The following ANO9 variants were observed in gnomAD, a reference collection of about 807,000 sequenced individuals.
ANO9 encodes anoctamin-9.
Under a neutral mutation model 100.5 loss-of-function variants are expected in ANO9, and 80 were observed. The observed-to-expected ratio is 0.80, with a 90% CI of 0.66 to 0.96. The LOEUF (loss-of-function observed/expected upper bound fraction) is 0.96. Ranked by LOEUF, ANO9 falls within the 40% of genes least tolerant of loss-of-function variation. The probability of loss-of-function intolerance (pLI) is 0.00; values close to 1 mark genes in which losing one functional copy is unlikely to be tolerated. For missense variants in ANO9, 1,064 were observed against 1,072.7 expected (o/e 0.99, Z 0.11); for synonymous variants, 473 against 435.6 (o/e 1.09, Z -1.07).
chr11:432,901 G>A lies in ANO9; in HGVS notation c.350+413C>T. On this transcript the variant is annotated intron_variant, in intron 4 of 22. Transcript: ENST00000332826. The surrounding 1 kb of genome is among the most constrained non-coding windows in gnomAD (Gnocchi z 4.8). ...GGAGCGAGGAGGGTGTCCCTGCTGG[G>A]CCTCTGGGTCTTTGCCTTGGAGGCC... The A allele has an allele frequency of 5.6e-6, 1 of 177,838 alleles. No individual in the cohort carries two copies. The highest frequency in any genetic ancestry group is 1.2e-5 in the Non-Finnish European group (1 of 85,750). The allele number at this position is 177,838 out of a possible 1,614,324, so 11.0% of individuals were successfully genotyped here.
chr11:433,803 G>A lies in ANO9; in HGVS notation c.204+12C>T, dbSNP rs368739455. 4 of 1,554,140 alleles carry A rather than the reference G, an allele frequency of 2.6e-6. No individual in the cohort carries two copies. The highest frequency in any genetic ancestry group is 2.8e-5 in the African/African-American group (2 of 72,600). On this transcript the variant is annotated intron_variant, in intron 3 of 22. Transcript: ENST00000332826. ...GCCCCATGGCCCTGCCCCTCGCTGG[G>A]CACCCGCCCACCTTAATGTGGAAGC...
chr11:429,486 A>C (rs1183546246), intron 11 of ANO9, 84 bp downstream of exon 11: 1 of 1,561,938 alleles, frequency 6.4e-7, no homozygotes, highest in Non-Finnish European at 8.6e-7. Context: ...CAGACACGGC[A>C]GGCATATGTG....
chr11:429,288 A>G (rs1359379247), intron 11 of ANO9, among the ~76,000 whole-genome samples: 35 of 132,540 alleles, frequency 2.6e-4, no homozygotes, highest in African/African-American at 8.4e-4. Flanking sequence ...CACCCCACAC[A>G]TGGGGAGACA....
At chr11:429,346 G>A (rs113829403) in intron 11 of ANO9, 41 of 1,040,122 alleles carry the variant, frequency 3.9e-5, no homozygotes, top group Non-Finnish European at 4.8e-5. Context: ...ACAGCGACAC[G>A]CCTCACGGGT....
intron 4 of ANO9, chr11:433,020 A>C (rs1849143357): frequency 2.5e-6 from 1 of 407,286 alleles, no homozygotes; most frequent in Non-Finnish European, 4.3e-6. Flanking sequence ...GGGCCTCTGC[A>C]AATCCTGCCC....
At position 420,933 on chromosome 11, in the gene ANO9, G is replaced by T. The variant is rs1335646919; in HGVS notation, c.1490+12C>A. On this transcript the variant is annotated intron_variant, in intron 17 of 22. Coordinates refer to ENST00000332826, the MANE Select transcript of ANO9 (RefSeq NM_001012302.3). ...CTGGGGCTCCCGGGGCTGGGCGGGG[G>T]TCGGCACTCACGGGACCAGGTACTC... 1 of 1,601,852 alleles carries T rather than the reference G, an allele frequency of 6.2e-7. No individual in the cohort carries two copies. The highest frequency in any genetic ancestry group is 8.5e-7 in the Non-Finnish European group (1 of 1,173,374).
rs370369795 is a variant in ANO9, at chr11:431,836, C to G, written c.465+12G>C. 1 of 1,611,092 alleles carries G rather than the reference C, an allele frequency of 6.2e-7. No homozygotes were observed. Among genetic ancestry groups the G allele is most frequent in the South Asian group, 1.1e-5 (1 of 91,016 alleles). On this transcript the variant is annotated intron_variant, in intron 6 of 22. Transcript: ENST00000332826. ...CACCCCAGGGCCCTCTCCAGGCCAG[C>G]CCACCCCTCACCTTGTGCAGGGGGA... is the stretch of plus-strand genomic sequence containing the variant.
At chr11:423,582 A>C (rs141476154) in intron 15 of ANO9, among the ~76,000 whole-genome samples, 20 of 152,184 alleles carry the variant, frequency 1.3e-4, no homozygotes, top group Admixed American at 4.6e-4. Flanking sequence ...ATTATGGCTC[A>C]CTATAGCCTC....
At position 432,255 on chromosome 11, in the gene ANO9, G is replaced by A; in HGVS notation, c.351-201C>T. Reference sequence around the variant, plus strand: ...CCTCCTTAAAGTGCTCCCAGGGCCTGGCCTGCCCCACGGCGTCCAGGATGA... The same window carrying A: ...CCTCCTTAAAGTGCTCCCAGGGCCTAGCCTGCCCCACGGCGTCCAGGATGA... On this transcript the variant is annotated intron_variant, in intron 4 of 22. Transcript: ENST00000332826. The surrounding 1 kb of genome is among the most constrained non-coding windows in gnomAD (Gnocchi z 4.8). 1 of 593,936 alleles carries A rather than the reference G, an allele frequency of 1.7e-6. No individual in the cohort carries two copies. Among genetic ancestry groups the A allele is most frequent in the Non-Finnish European group, 3.0e-6 (1 of 337,510 alleles). 36.8% of individuals were successfully genotyped at this position (593,936 alleles called of 1,614,324 possible).
intron 1 of ANO9, among the ~76,000 whole-genome samples, chr11:434,762 A>T (rs1490949899): frequency 6.6e-6 from 1 of 152,208 alleles, no homozygotes; most frequent in Non-Finnish European, 1.5e-5. Context: ...TGACGGGCGC[A>T]GGCACATCCC....
intron 1 of ANO9, among the ~76,000 whole-genome samples, chr11:435,093 A>T (rs1324773097): frequency 6.6e-6 from 1 of 152,162 alleles, no homozygotes; most frequent in Non-Finnish European, 1.5e-5. Flanking sequence ...ATTGTAGTGT[A>T]GTGTAGTGTA....
chr11:434,145 G>T, intron 1 of ANO9, 47 bp from the exon 2 acceptor site: 1 of 1,540,518 alleles, frequency 6.5e-7, no homozygotes, highest in Non-Finnish European at 8.8e-7. Flanking sequence ...GTGATTGGGG[G>T]CTAGATGCCC....
chr11:434,583 G>C (rs1414573869), intron 1 of ANO9, among the ~76,000 whole-genome samples: 2 of 152,158 alleles, frequency 1.3e-5, no homozygotes, highest in African/African-American at 4.8e-5. Flanking sequence ...GGCCTAGCCC[G>C]TCCACCCCTG....
At chr11:420,695 C>G (rs1279491864) in intron 18 of ANO9, 23 bp downstream of exon 18, 1 of 1,603,884 alleles carries the variant, frequency 6.2e-7, no homozygotes, top group Admixed American at 1.7e-5. Flanking sequence ...TCCGCGAACC[C>G]CCGCCCCGCA....
At chr11:437,993 C>T (rs908167903) in intron 1 of ANO9, among the ~76,000 whole-genome samples, 7 of 152,112 alleles carry the variant, frequency 4.6e-5, no homozygotes, top group Non-Finnish European at 8.8e-5. Context: ...GCAGGACTTT[C>T]GGAGAAGCCT....
Position 428,461 on chromosome 11 carries a change from GC to G in ANO9, c.1185+13del. The G allele has an allele frequency of 6.2e-7, 1 of 1,612,374 alleles. No homozygotes were observed. Among genetic ancestry groups the G allele is most frequent in the Non-Finnish European group, 8.5e-7 (1 of 1,179,728 alleles). On this transcript the variant is annotated intron_variant, in intron 13 of 22. Transcript: ENST00000332826. ...GGACCCCCCAGCTCGGGCCTGCCCT[GC>G]TCCCGGCCCCACCTTGGTCATGATG...
chr11:420,704 C>G lies in ANO9; in HGVS notation c.1633+14G>C, dbSNP rs758987359. The stretch of plus-strand genomic sequence containing the variant: ...TTCGTCTCCGCGAACCCCCGCCCCG[C>G]AGCGCCCACGCACTCATCTCCATGA... On this transcript the variant is annotated intron_variant, in intron 18 of 22. Transcript: ENST00000332826. 3.1e-6 allele frequency: 5 copies of G among 1,605,078 alleles called. No homozygotes were observed. In the Admixed American group the frequency reaches 8.4e-5, roughly 27 times the overall value.
rs761015681 is a variant in ANO9 at position 430,345 on chromosome 11, T to A, written c.598A>T (p.Met200Leu). 2 of 1,609,220 alleles carry A rather than the reference T, an allele frequency of 1.2e-6. No homozygotes were observed. The highest frequency in any genetic ancestry group is 1.7e-6 in the Non-Finnish European group (2 of 1,179,022). ...YFVWLGWYTY[M>L]LVPAALTGLL... is the part of the protein sequence containing the mutation. ...CCCGTCAGGGCGGCCGGCACCAGCA[T>A]GTAGGTGTACCAGCCCAGCCAGACG... is the stretch of plus-strand genomic sequence containing the variant. Residue 200 changes from methionine (M) to leucine (L), a missense_variant, in exon 8 of 23, where the codon ATG (methionine) becomes TTG (leucine). Coordinates refer to ENST00000332826, the MANE Select transcript of ANO9 (RefSeq NM_001012302.3).
chr11:439,703 C>G (rs980798194), intron 1 of ANO9, among the ~76,000 whole-genome samples: 4 of 152,174 alleles, frequency 2.6e-5, no homozygotes, highest in African/African-American at 4.8e-5. Context: ...TCTGCCCCAC[C>G]GCAGTCCCAA....
Sources: gnomAD v4.1 joint callset for allele counts (sites outside exome capture counted in the v4.1 genomes callset) on GRCh38, gnomAD v4.1.1 for gene constraint, Gnocchi (gnomAD v3.1) non-coding constraint, MANE v1.5 for transcripts, NCBI Gene and HGNC (gene_info 2026-07-23, HGNC 2026-07-21) for gene names.